Variants in PITPNB observed in about 807,000 individuals in gnomAD.
The protein encoded by PITPNB is phosphatidylinositol transfer protein beta isoform.
PITPNB carries 16 observed loss-of-function variants against 45.9 expected under a neutral mutation model. The observed-to-expected ratio is 0.35, with a 90% confidence interval of 0.24 to 0.53. The LOEUF is 0.53. PITPNB is among the 20% of genes least tolerant of loss of function. The probability of loss-of-function intolerance (pLI) is 0.93; values close to 1 mark genes in which losing one functional copy is unlikely to be tolerated. For synonymous variants in PITPNB, 112 were observed against 108.9 expected (o/e 1.03, Z -0.18); for missense variants, 188 against 330.5 (o/e 0.57, Z 3.34).
intron 7 of PITPNB, among the ~76,000 whole-genome samples, chr22:27,889,327 G>A (rs1935208156): frequency 6.6e-6 from 1 of 151,976 alleles, no homozygotes; most frequent in Non-Finnish European, 1.5e-5. Context: ...GCTTGCCTAT[G>A]ATTCATTTAT....
intron 3 of PITPNB, among the ~76,000 whole-genome samples, chr22:27,900,906 T>C (rs1935573203): frequency 6.6e-6 from 1 of 152,160 alleles, no homozygotes; most frequent in Non-Finnish European, 1.5e-5. Flanking sequence ...GGCCCTTTAG[T>C]AAAATGTAGC....
Position 27,919,211 on chromosome 22 carries a change from A to G in PITPNB, c.-20T>C, listed in dbSNP as rs771613906. The G allele has an allele frequency of 4.3e-5, 69 of 1,608,118 alleles. 1 individual carries two copies. Among genetic ancestry groups the G allele is most frequent in the Non-Finnish European group, 5.2e-5 (61 of 1,176,136 alleles). On this transcript the variant is annotated 5_prime_UTR_variant, in exon 1 of 12. Coordinates refer to ENST00000335272, the MANE Select transcript of PITPNB (RefSeq NM_012399.5). ...CACCATCTTCCCGGAACCCCCTCAC[A>G]GCTGCCGCCGATACCACCGCCGCCG...
chr22:27,908,502 T>C (rs1002544423), intron 3 of PITPNB, among the ~76,000 whole-genome samples: 13 of 152,010 alleles, frequency 8.6e-5, no homozygotes, highest in Admixed American at 1.3e-4. Flanking sequence ...TATTTACTTA[T>C]AGGATAGTGA....
rs1270370684 is a variant in PITPNB, at chr22:27,853,180, T to C, written c.*522A>G. 4 of 155,206 alleles carry C rather than the reference T, an allele frequency of 2.6e-5. No individual in the cohort carries two copies. The highest frequency in any genetic ancestry group is 9.6e-5 in the African/African-American group (4 of 41,650). The allele number at this position is 155,206 out of a possible 1,614,324, so 9.6% of individuals were successfully genotyped here. On this transcript the variant is annotated 3_prime_UTR_variant, in exon 12 of 12. Transcript: ENST00000335272. ...TACTGCTTATGGGACTAAAAAAAAA[T>C]TTATAACAGACTGACTTAAAAGAAG...
intron 1 of PITPNB, among the ~76,000 whole-genome samples, chr22:27,918,868 T>C (rs929680946): frequency 2.0e-5 from 3 of 150,738 alleles, no homozygotes; most frequent in South Asian, 2.1e-4. Flanking sequence ...GGGTGGGGGG[T>C]TGGGGAGAAG....
chr22:27,919,034 G>T, intron 1 of PITPNB, 138 bp downstream of exon 1: 1 of 1,295,518 alleles, frequency 7.7e-7, no homozygotes, highest in Non-Finnish European at 1.1e-6. Context: ...CGAAGGGGCC[G>T]GGGGAGGGAG....
rs550225469 is a variant in PITPNB, at chr22:27,904,344, A to G, written c.198-6452T>C. On this transcript the variant is annotated intron_variant, in intron 3 of 11. Coordinates refer to ENST00000335272, the MANE Select transcript of PITPNB (RefSeq NM_012399.5). ...CATGCTTTAACACAGACAAGCCTTG[A>G]AAACACGCTAAGTGAAAGAAGTCAA... Among the ~76,000 whole-genome samples the G allele has an allele frequency of 4.6e-5, 7 of 152,352 alleles. No homozygotes were observed. In the East Asian group the frequency reaches 1.3e-3, roughly 29 times the overall value.
chr22:27,919,245 A>C lies in PITPNB; in HGVS notation c.-54T>G. ...CGATACCACCGCCGCCGCCGCCGCT[A>C]CCGCCTCTCACAGCGCCTGCGCGGC... On this transcript the variant is annotated 5_prime_UTR_variant, in exon 1 of 12. Coordinates refer to ENST00000335272, the MANE Select transcript of PITPNB (RefSeq NM_012399.5). 2.7e-6 allele frequency: 4 copies of C among 1,500,070 alleles called. No individual in the cohort carries two copies. The highest frequency in any genetic ancestry group is 2.8e-6 in the Non-Finnish European group (3 of 1,079,756). The allele number at this position is 1,500,070 out of a possible 1,614,324, so 92.9% of individuals were successfully genotyped here.
At chr22:27,898,409 T>TTGTG (rs1013159265) in intron 3 of PITPNB, among the ~76,000 whole-genome samples, 2 of 150,802 alleles carry the variant, frequency 1.3e-5, no homozygotes, top group African/African-American at 2.4e-5. Flanking sequence ...ATAAAAGGTT[T>TTGTG]TGTGTGTGTG....
chr22:27,892,258 G>A (rs188398798), intron 7 of PITPNB, among the ~76,000 whole-genome samples: 6 of 152,266 alleles, frequency 3.9e-5, no homozygotes, highest in African/African-American at 9.6e-5. Context: ...GGGCCTCCAC[G>A]GTTCTTGTGC....
chr22:27,872,275 G>T (rs1235382445), intron 8 of PITPNB, among the ~76,000 whole-genome samples: 1 of 151,738 alleles, frequency 6.6e-6, no homozygotes, highest in Admixed American at 6.6e-5. Flanking sequence ...TGGATTTTTA[G>T]TAGAGATGGG....
intron 5 of PITPNB, 75 bp downstream of exon 5, chr22:27,897,055 G>A: frequency 1.9e-6 from 2 of 1,039,118 alleles, no homozygotes; most frequent in East Asian, 2.4e-5. Flanking sequence ...AGCAAAGAAT[G>A]GTTGAAAATA....
intron 3 of PITPNB, among the ~76,000 whole-genome samples, chr22:27,900,652 C>T (rs2013115): frequency 0.21 from 31,877 of 152,052 alleles, 3,453 homozygotes; most frequent in South Asian, 0.31. Flanking sequence ...AAAATGTGCA[C>T]ATGGAGTAAA....
At chr22:27,885,212 TAAAAAAAAAAAAAAAAAAAAAAAA>T (rs71194746) in intron 7 of PITPNB, among the ~76,000 whole-genome samples, 35 of 30,194 alleles carry the variant, frequency 1.2e-3, no homozygotes, top group South Asian at 1.4e-3. Context: ...AATTTATACC[TAAAAAAAAAAAAAAAAAAAAAAAA>T]AAAAAAAAAA....
chr22:27,872,097 T>G (rs939104937), intron 8 of PITPNB, among the ~76,000 whole-genome samples: 5,311 of 139,028 alleles, frequency 0.038, 215 homozygotes, highest in African/African-American at 0.082. Flanking sequence ...TTTTTTTTTT[T>G]TTTTTTTTTT....
chr22:27,910,062 T>C (rs1275184602), intron 3 of PITPNB, among the ~76,000 whole-genome samples: 2 of 151,784 alleles, frequency 1.3e-5, no homozygotes, highest in Non-Finnish European at 2.9e-5. Context: ...AAGATCCTGC[T>C]GCCTCAGCCT....
chr22:27,914,182 C>A lies in PITPNB; in HGVS notation c.51+135G>T, dbSNP rs1277150558. 5 of 655,990 alleles carry A rather than the reference C, an allele frequency of 7.6e-6. No homozygotes were observed. The East Asian group carries it at 1.4e-4, about 19-fold the overall frequency. The allele number at this position is 655,990 out of a possible 1,614,324, so 40.6% of individuals were successfully genotyped here. On this transcript the variant is annotated intron_variant, in intron 2 of 11. Transcript: ENST00000335272. Reference sequence around the variant, plus strand: ...TCATTTTGCAATTCTTTGCAATTATCATTCATATAATTAATTTTGTCACAT... The same window carrying A: ...TCATTTTGCAATTCTTTGCAATTATAATTCATATAATTAATTTTGTCACAT...
At chr22:27,903,669 G>A (rs1333911343) in intron 3 of PITPNB, among the ~76,000 whole-genome samples, 1 of 150,322 alleles carries the variant, frequency 6.7e-6, no homozygotes, top group Non-Finnish European at 1.5e-5. Context: ...CCAGCTACTC[G>A]AGAGGCTGAG....
intron 7 of PITPNB, among the ~76,000 whole-genome samples, chr22:27,877,332 T>A (rs1180820421): frequency 6.6e-6 from 1 of 152,204 alleles, no homozygotes; most frequent in Non-Finnish European, 1.5e-5. Context: ...TACAATAGTA[T>A]CAGCATAAGG....
Sources: allele counts gnomAD v4.1 joint callset (sites outside exome capture counted in the v4.1 genomes callset), GRCh38; gene constraint gnomAD v4.1.1; transcripts MANE v1.5; gene names NCBI Gene and HGNC (gene_info 2026-07-23, HGNC 2026-07-21).